ANO10: variants seen among roughly 807,000 people sequenced by gnomAD.
The protein encoded by ANO10 is anoctamin 10.
In ANO10, 77 loss-of-function variants were observed where a neutral mutation model predicts 74.7. The observed-to-expected ratio is 1.03, with a 90% CI of 0.86 to 1.25. The LOEUF is 1.25. Among genes scored for constraint, ANO10 ranks in the 50% most tolerant of loss-of-function variants. The probability of loss-of-function intolerance (pLI) is 0.00; values close to 1 mark genes in which losing one functional copy is unlikely to be tolerated. For missense variants in ANO10, 721 were observed against 778.1 expected (o/e 0.93, Z 0.87); for synonymous variants, 279 against 284.9 (o/e 0.98, Z 0.21).
intron 12 of ANO10, among the ~76,000 whole-genome samples, chr3:43,401,418 C>T (rs968883549): frequency 1.3e-5 from 2 of 152,062 alleles, no homozygotes; most frequent in South Asian, 2.1e-4. Flanking sequence ...GGGGGGGAAA[C>T]GCCATAAAAA....
At chr3:43,497,232 C>G (rs1559615162) in intron 11 of ANO10, among the ~76,000 whole-genome samples, 1 of 152,212 alleles carries the variant, frequency 6.6e-6, no homozygotes, top group Non-Finnish European at 1.5e-5. Context: ...ACTTACCTAG[C>G]ATACAAAAGT....
At chr3:43,623,313 C>A (rs2083458854), upstream of ANO10, among the ~76,000 whole-genome samples, 2 of 152,086 alleles carry the variant, frequency 1.3e-5, no homozygotes, top group South Asian at 4.1e-4. Flanking sequence ...TATTATTATT[C>A]ATTGTTGTTA....
rs565644253 is a variant in ANO10, at chr3:43,621,987, G to C, written c.-90C>G. ...CCGGAGGCCGGGCGAAAGAGTGCTC[G>C]GTGCGGGGGGCGGGCCAGGCCAGTG... On this transcript the variant is annotated 5_prime_UTR_variant, in exon 1 of 13. Transcript: ENST00000292246. The C allele has an allele frequency of 6.6e-6, 1 of 152,506 alleles. No homozygotes were observed. 9.4% of individuals were successfully genotyped at this position (152,506 alleles called of 1,614,324 possible). A position where few individuals can be genotyped will look rare whatever the true frequency, so the allele number is the denominator to read the frequency against.
rs1362798183 is a variant in ANO10, at chr3:43,464,637, C to T, written c.1798-31910G>A. Among the ~76,000 whole-genome samples the T allele has an allele frequency of 3.3e-5, 5 of 151,984 alleles. No homozygotes were observed. The South Asian group carries it at 6.2e-4, about 19-fold the overall frequency. ...GAGGTTGCAGTGAGCCATAACTGCC[C>T]CACTGCACTTCAGCCTAGGTGACAG... On this transcript the variant is annotated intron_variant, in intron 11 of 12. Coordinates refer to ENST00000292246, the MANE Select transcript of ANO10 (RefSeq NM_018075.5).
chr3:43,570,650 G>A (rs1384886102), intron 7 of ANO10, among the ~76,000 whole-genome samples: 1 of 149,748 alleles, frequency 6.7e-6, no homozygotes, highest in East Asian at 2.0e-4. Flanking sequence ...GCTGAAACTG[G>A]ATCCCTTCCT....
chr3:43,567,554 C>G lies in ANO10; in HGVS notation c.1219-1827G>C, dbSNP rs1399754505. Among the ~76,000 whole-genome samples the G allele has an allele frequency of 2.0e-5, 3 of 152,054 alleles. No individual in the cohort carries two copies. In the East Asian group the frequency reaches 5.8e-4, roughly 29 times the overall value. On this transcript the variant is annotated intron_variant, in intron 7 of 12. Transcript: ENST00000292246. ...CAACATTCTTAAAGAAAAGAATTTT[C>G]AACCCAGAATTTCATATCCAGACAA... is the stretch of plus-strand genomic sequence containing the variant.
At chr3:43,421,099 T>A (rs2092812991) in intron 12 of ANO10, among the ~76,000 whole-genome samples, 2 of 152,096 alleles carry the variant, frequency 1.3e-5, no homozygotes, top group Non-Finnish European at 2.9e-5. Flanking sequence ...GGCACACACC[T>A]GTAGTCCCAG....
intron 12 of ANO10, among the ~76,000 whole-genome samples, chr3:43,375,263 T>C (rs2091760057): frequency 6.6e-6 from 1 of 151,786 alleles, no homozygotes; most frequent in East Asian, 1.9e-4. Flanking sequence ...CTGGCCAACA[T>C]GGTGAAACCC....
intron 7 of ANO10, among the ~76,000 whole-genome samples, chr3:43,572,214 T>C (rs2080765561): frequency 6.6e-6 from 1 of 152,122 alleles, no homozygotes; most frequent in South Asian, 2.1e-4. Context: ...CCTGCTAAAT[T>C]GGCAAGGGGA....
At position 43,373,098 on chromosome 3, in the gene ANO10, A is replaced by G. The variant is rs770560378; in HGVS notation, c.1915-6124T>C. ...AGCACCGGGTTTCAGGGTTCCCAGCAGCTACCTGCCCTGGTAACAATGCAG... is the reference window on the plus strand; with the variant it reads ...AGCACCGGGTTTCAGGGTTCCCAGCGGCTACCTGCCCTGGTAACAATGCAG... On this transcript the variant is annotated intron_variant, in intron 12 of 12. Transcript: ENST00000292246. Among the ~76,000 whole-genome samples the G allele has an allele frequency of 2.0e-5, 3 of 152,154 alleles. No homozygotes were observed. In the South Asian group the frequency reaches 6.2e-4, roughly 32 times the overall value.
At position 43,549,726 on chromosome 3, in the gene ANO10, T is replaced by G; in HGVS notation, c.1791A>C (p.Ala597=). The G allele has an allele frequency of 6.2e-7, 1 of 1,614,012 alleles. No individual in the cohort carries two copies. Among genetic ancestry groups the G allele is most frequent in the Non-Finnish European group, 8.5e-7 (1 of 1,179,914 alleles). The change falls in exon 11 of 13, where the codon GCA becomes GCC. Residue 597 remains alanine, a synonymous_variant. Coordinates refer to ENST00000292246, the MANE Select transcript of ANO10 (RefSeq NM_018075.5). The part of the protein sequence containing the change: ...SKADLILIVV[A]VEHALLALKF... ...AGTTTAAATCTTTACTTACCTCCAC[T>G]GCTACTACAATCAAAATGAGGTCTG...
In ANO10 at chr3:43,549,767, A is replaced by T; in HGVS notation, c.1750T>A (p.Phe584Ile). Residue 584 changes from phenylalanine (F) to isoleucine (I), a missense_variant, in exon 11 of 13, where the codon TTT (phenylalanine) becomes ATT (isoleucine). Physicochemically the swap from Phe to Ile is conservative, Grantham distance 21 (BLOSUM62 0). Coordinates refer to ENST00000292246, the MANE Select transcript of ANO10 (RefSeq NM_018075.5). Reference protein sequence around the residue: ...IGMSPQVNAVFPESKADLILI... With the variant: ...IGMSPQVNAVIPESKADLILI... ...ATGAGGTCTGCTTTTGATTCTGGAA[A>T]GACTGCATTCACTTGTGGTGACATT... 1 of 1,614,062 alleles carries T rather than the reference A, an allele frequency of 6.2e-7. No individual in the cohort carries two copies. The highest frequency in any genetic ancestry group is 8.5e-7 in the Non-Finnish European group (1 of 1,179,930).
chr3:43,640,459 C>T (rs955136989), intron 1 of ANO10, among the ~76,000 whole-genome samples: 1 of 152,168 alleles, frequency 6.6e-6, no homozygotes, highest in African/African-American at 2.4e-5. Flanking sequence ...TCCACTCCTC[C>T]CTGACCCCAG....
At chr3:43,373,665 A>T (rs571682469) in intron 12 of ANO10, among the ~76,000 whole-genome samples, 10 of 152,320 alleles carry the variant, frequency 6.6e-5, no homozygotes, top group East Asian at 5.8e-4. Context: ...TGCCTATAGA[A>T]GCCAGAGGCT....
chr3:43,394,731 G>A (rs578145684), intron 12 of ANO10, among the ~76,000 whole-genome samples: 14 of 152,264 alleles, frequency 9.2e-5, no homozygotes, highest in African/African-American at 3.1e-4. Flanking sequence ...GAGCTGCCCC[G>A]GGTGGAGGGG....
intron 4 of ANO10, among the ~76,000 whole-genome samples, chr3:43,593,615 A>C (rs984337186): frequency 4.0e-4 from 61 of 152,196 alleles, no homozygotes; most frequent in African/African-American, 1.5e-3. Context: ...GGAAGCACTA[A>C]ACATGGATTG....
At chr3:43,647,118 T>C (rs2149566393) in intron 1 of ANO10, among the ~76,000 whole-genome samples, 1 of 151,550 alleles carries the variant, frequency 6.6e-6, no homozygotes, top group African/African-American at 2.4e-5. Flanking sequence ...GTGTGGATTC[T>C]TCAAAGAACC....
intron 12 of ANO10, among the ~76,000 whole-genome samples, chr3:43,428,626 T>C (rs1229955346): frequency 6.6e-6 from 1 of 152,010 alleles, no homozygotes. Flanking sequence ...GAATCACCTT[T>C]TCTTACAAGG....
intron 1 of ANO10, among the ~76,000 whole-genome samples, chr3:43,684,249 C>T (rs2084243258): frequency 1.3e-5 from 2 of 152,118 alleles, no homozygotes; most frequent in South Asian, 4.1e-4. Context: ...AAACAAACAA[C>T]CCCATCAAAA....
Sources: gnomAD v4.1 joint callset for allele counts (sites outside exome capture counted in the v4.1 genomes callset) on GRCh38, gnomAD v4.1.1 for gene constraint, MANE v1.5 for transcripts, NCBI Gene and HGNC (gene_info 2026-07-23, HGNC 2026-07-21) for gene names.